The following SCAPER variants were observed in gnomAD, a reference collection of about 807,000 sequenced individuals.
SCAPER encodes S phase cyclin A-associated protein in the endoplasmic reticulum.
In SCAPER, 98 loss-of-function variants were observed where a neutral mutation model predicts 182.2. The observed-to-expected ratio is 0.54, with a 90% CI of 0.46 to 0.64. The LOEUF (loss-of-function observed/expected upper bound fraction) is 0.64, where lower values mean the gene tolerates loss of function less well. Among genes scored for constraint, SCAPER ranks in the 30% least tolerant of loss-of-function variants. The pLI, the probability that SCAPER is intolerant of heterozygous loss-of-function variation, is 0.00. For missense variants in SCAPER, 1,432 were observed against 1,690.0 expected (o/e 0.85, Z 2.68); for synonymous variants, 605 against 564.6 (o/e 1.07, Z -1.01).
Position 76,812,469 on chromosome 15 carries a change from C to T in SCAPER, c.394-7836G>A, listed in dbSNP as rs558974387. Among the ~76,000 whole-genome samples the T allele has an allele frequency of 5.8e-5, 7 of 121,346 alleles. No individual in the cohort carries two copies. The East Asian group carries it at 1.3e-3, about 22-fold the overall frequency. 79.6% of individuals were successfully genotyped at this position (121,346 alleles called of 152,430 possible). A position where few individuals can be genotyped will look rare whatever the true frequency, so the allele number is the denominator to read the frequency against. On this transcript the variant is annotated intron_variant, in intron 5 of 31. Coordinates refer to ENST00000563290, the MANE Select transcript of SCAPER (RefSeq NM_020843.4). ...TGCAACTGCACTCCAGCCTGGGTGACGGAGTGAGACTCTGAAAAAAAAAAA... is the reference window on the plus strand; with the variant it reads ...TGCAACTGCACTCCAGCCTGGGTGATGGAGTGAGACTCTGAAAAAAAAAAA...
chr15:76,697,895 C>T (rs2058735170), intron 20 of SCAPER, among the ~76,000 whole-genome samples: 1 of 152,124 alleles, frequency 6.6e-6, no homozygotes, highest in Non-Finnish European at 1.5e-5. Flanking sequence ...CCACCTCAGC[C>T]TCCCAAAATG....
At chr15:76,404,264 G>C (rs2044666764) in intron 27 of SCAPER, among the ~76,000 whole-genome samples, 1 of 152,080 alleles carries the variant, frequency 6.6e-6, no homozygotes. Context: ...AGAGGGACTG[G>C]ATGACCTCTT....
At chr15:76,464,007 CT>C (rs10630336) in intron 25 of SCAPER, among the ~76,000 whole-genome samples, 10,333 of 120,206 alleles carry the variant, frequency 0.086, 241 homozygotes, top group African/African-American at 0.14. Context: ...TTTCACTGGT[CT>C]TTTTTTTTTT....
At chr15:76,763,251 GT>G (rs1216027964) in intron 14 of SCAPER, among the ~76,000 whole-genome samples, 1 of 134,304 alleles carries the variant, frequency 7.4e-6, no homozygotes, top group African/African-American at 2.8e-5. Context: ...GGCTGGCAGG[GT>G]TTTGTTTTTT....
At chr15:76,658,615 G>A (rs559921601) in intron 21 of SCAPER, among the ~76,000 whole-genome samples, 35 of 152,170 alleles carry the variant, frequency 2.3e-4, no homozygotes, top group African/African-American at 7.5e-4. Flanking sequence ...GCAATCCTAC[G>A]TAAAAGAACA....
chr15:76,648,011 C>T (rs1214527237), intron 21 of SCAPER, among the ~76,000 whole-genome samples: 1 of 150,726 alleles, frequency 6.6e-6, no homozygotes. Context: ...AAAACCCAGA[C>T]ATAGAGCAAT....
At chr15:76,589,974 G>C (rs2048984149) in intron 22 of SCAPER, among the ~76,000 whole-genome samples, 1 of 152,186 alleles carries the variant, frequency 6.6e-6, no homozygotes, top group Non-Finnish European at 1.5e-5. Flanking sequence ...TGTGTGTTTG[G>C]GGGTGGACCA....
At chr15:76,875,255 G>T (rs2073054929) in intron 2 of SCAPER, among the ~76,000 whole-genome samples, 1 of 152,142 alleles carries the variant, frequency 6.6e-6, no homozygotes, top group Admixed American at 6.5e-5. Flanking sequence ...TCTGATATCA[G>T]AACCTAACAG....
intron 27 of SCAPER, among the ~76,000 whole-genome samples, chr15:76,402,946 G>A (rs890455201): frequency 4.6e-5 from 7 of 152,202 alleles, no homozygotes; most frequent in East Asian, 1.9e-4. Flanking sequence ...CTGAATCTGC[G>A]TGTAAGTGAC....
intron 25 of SCAPER, among the ~76,000 whole-genome samples, chr15:76,464,317 A>G (rs1451289076): frequency 6.6e-6 from 1 of 152,134 alleles, no homozygotes; most frequent in Non-Finnish European, 1.5e-5. Flanking sequence ...AGGTTTATAC[A>G]TTATAGCATA....
chr15:76,561,517 T>C (rs1369560189), intron 23 of SCAPER, among the ~76,000 whole-genome samples: 1 of 152,126 alleles, frequency 6.6e-6, no homozygotes, highest in Non-Finnish European at 1.5e-5. Context: ...CCTGAAATGT[T>C]TTAATAAAAC....
intron 20 of SCAPER, among the ~76,000 whole-genome samples, chr15:76,675,949 C>T (rs535872129): frequency 1.1e-4 from 17 of 152,120 alleles, no homozygotes; most frequent in African/African-American, 4.1e-4. Flanking sequence ...CTCAGCCTCC[C>T]GAGTAGCTGG....
intron 27 of SCAPER, among the ~76,000 whole-genome samples, chr15:76,386,334 C>A (rs747918664): frequency 1.4e-4 from 22 of 152,290 alleles, no homozygotes; most frequent in Admixed American, 3.9e-4. Context: ...ATTATGCCTA[C>A]TCCAGAGAAC....
chr15:76,803,679 A>G (rs1342139678), intron 6 of SCAPER, among the ~76,000 whole-genome samples: 1 of 152,208 alleles, frequency 6.6e-6, no homozygotes, highest in Non-Finnish European at 1.5e-5. Context: ...GTGTCTTCAC[A>G]TGGTGGAGGG....
intron 21 of SCAPER, among the ~76,000 whole-genome samples, chr15:76,638,240 T>C (rs1567668877): frequency 6.6e-6 from 1 of 152,204 alleles, no homozygotes; most frequent in Non-Finnish European, 1.5e-5. Flanking sequence ...ATTTCATTTA[T>C]TGATCAAATC....
chr15:76,640,108 T>G (rs2053981691), intron 21 of SCAPER, among the ~76,000 whole-genome samples: 1 of 152,236 alleles, frequency 6.6e-6, no homozygotes, highest in African/African-American at 2.4e-5. Flanking sequence ...TTGCTGTTAC[T>G]GTGACCGCTG....
At chr15:76,771,486 AT>A in intron 10 of SCAPER, among the ~76,000 whole-genome samples, 1 of 152,158 alleles carries the variant, frequency 6.6e-6, no homozygotes, top group Non-Finnish European at 1.5e-5. Context: ...GGCTAAGAGC[AT>A]TTGATCAAAT....
At chr15:76,845,932 G>A (rs1462045252) in intron 4 of SCAPER, among the ~76,000 whole-genome samples, 2 of 151,810 alleles carry the variant, frequency 1.3e-5, no homozygotes, top group African/African-American at 4.8e-5. Flanking sequence ...CACATTACCT[G>A]AATTAAAGTT....
At chr15:76,551,697 G>C (rs2045786307) in intron 23 of SCAPER, among the ~76,000 whole-genome samples, 1 of 152,118 alleles carries the variant, frequency 6.6e-6, no homozygotes. Context: ...AGAAGATTTT[G>C]ATTGTTCTCA....
Sources: gnomAD v4.1 joint callset for allele counts (sites outside exome capture counted in the v4.1 genomes callset) on GRCh38, gnomAD v4.1.1 for gene constraint, MANE v1.5 for transcripts, NCBI Gene and HGNC (gene_info 2026-07-23, HGNC 2026-07-21) for gene names.